ADAMTS12: variants seen among roughly 807,000 people sequenced by gnomAD.
ADAMTS12 encodes the protein A disintegrin and metalloproteinase with thrombospondin motifs 12.
A neutral mutation model predicts 167.8 loss-of-function variants in ADAMTS12; 118 were observed. The observed-to-expected ratio is 0.70, with a 90% CI of 0.61 to 0.82. The LOEUF is 0.82. Among genes scored for constraint, ADAMTS12 ranks in the 40% least tolerant of loss-of-function variants. ADAMTS12 has a pLI of 0.00. For synonymous variants in ADAMTS12, 704 were observed against 716.9 expected, an observed-to-expected ratio of 0.98 and a Z score of 0.29; for missense variants, 1,916 against 1,998.8, an observed-to-expected ratio of 0.96 and a Z score of 0.79.
chr5:33,717,988 T>G (rs1743674164), intron 3 of ADAMTS12, among the ~76,000 whole-genome samples: 1 of 152,234 alleles, frequency 6.6e-6, no homozygotes, highest in South Asian at 2.1e-4. Context: ...TGTTCCCATT[T>G]GTGAGGCAAA....
chr5:33,527,431 A>G lies in ADAMTS12; in HGVS notation c.4607-65T>C, dbSNP rs1743877502. ...TTATCCTTTGTGGATATACAAGCACAACTTCTATTAATGTAAGACTTTATA... is the reference window on the plus strand; with the variant it reads ...TTATCCTTTGTGGATATACAAGCACGACTTCTATTAATGTAAGACTTTATA... On this transcript the variant is annotated intron_variant, in intron 23 of 23. Transcript: ENST00000504830. 4.7e-6 allele frequency: 7 copies of G among 1,479,384 alleles called. No homozygotes were observed. The South Asian group carries it at 7.4e-5, about 16-fold the overall frequency. The allele number at this position is 1,479,384 out of a possible 1,614,324, so 91.6% of individuals were successfully genotyped here.
At chr5:33,747,395 A>AACTACG (rs1744828531) in intron 3 of ADAMTS12, among the ~76,000 whole-genome samples, 2 of 148,010 alleles carry the variant, frequency 1.4e-5, no homozygotes, top group African/African-American at 5.3e-5. Context: ...GACTAACTAC[A>AACTACG]TGTAAAAGTG....
rs1389105114 is a variant in ADAMTS12 at position 33,546,144 on chromosome 5, A to G, written c.4361T>C (p.Leu1454Pro). The G allele has an allele frequency of 6.2e-7, 1 of 1,614,038 alleles. No homozygotes were observed. Among genetic ancestry groups the G allele is most frequent in the East Asian group, 2.2e-5 (1 of 44,882 alleles). Residue 1454 changes from leucine to proline, a missense_variant, in exon 22 of 24, where the codon CTC (leucine) becomes CCC (proline). Leu to Pro is a moderately conservative substitution (Grantham distance 98). Transcript: ENST00000504830. ...TGTGGGTCTTTTTGTCCAATCACAG[A>G]GGCCTCCTGGACAGAACACTCCTCT... Reference protein sequence around the residue: ...QERGVFCPGGLCDWTKRPTST... With the variant: ...QERGVFCPGGPCDWTKRPTST...
intron 2 of ADAMTS12, among the ~76,000 whole-genome samples, chr5:33,847,331 A>G (rs1429879666): frequency 1.3e-5 from 2 of 152,202 alleles, no homozygotes; most frequent in African/African-American, 2.4e-5. Flanking sequence ...AATAAAAAAC[A>G]GGAAGTTTCG....
At position 33,643,359 on chromosome 5, in the gene ADAMTS12, C is replaced by T; in HGVS notation, c.1572+19G>A. 6.2e-7 allele frequency: 1 copy of T among 1,613,760 alleles called. No individual in the cohort carries two copies. Among genetic ancestry groups the T allele is most frequent in the Non-Finnish European group, 8.5e-7 (1 of 1,179,672 alleles). Reference sequence around the variant, plus strand: ...CTGCCCACCGCCCTCCCACCTCATTCCTCGGCCTGACGCATCACCTTCTTC... The same window carrying T: ...CTGCCCACCGCCCTCCCACCTCATTTCTCGGCCTGACGCATCACCTTCTTC... On this transcript the variant is annotated intron_variant, in intron 10 of 23. Coordinates refer to ENST00000504830, the MANE Select transcript of ADAMTS12 (RefSeq NM_030955.4).
At chr5:33,693,026 T>A (rs1005604899) in intron 3 of ADAMTS12, among the ~76,000 whole-genome samples, 1 of 152,228 alleles carries the variant, frequency 6.6e-6, no homozygotes, top group Admixed American at 6.5e-5. Context: ...TGCTTATTTA[T>A]TAACACTCTC....
chr5:33,806,767 T>A (rs1346566788), intron 2 of ADAMTS12, among the ~76,000 whole-genome samples: 2 of 152,214 alleles, frequency 1.3e-5, no homozygotes, highest in Admixed American at 1.3e-4. Context: ...AAACGAATAC[T>A]GTCATGTTTC....
At chr5:33,825,102 A>G (rs1224416401) in intron 2 of ADAMTS12, among the ~76,000 whole-genome samples, 7 of 152,214 alleles carry the variant, frequency 4.6e-5, no homozygotes, top group Non-Finnish European at 7.3e-5. Context: ...TAGCAAGCAC[A>G]TCCTAATAGA....
chr5:33,845,201 A>G (rs1748899544), intron 2 of ADAMTS12, among the ~76,000 whole-genome samples: 1 of 152,250 alleles, frequency 6.6e-6, no homozygotes, highest in Non-Finnish European at 1.5e-5. Flanking sequence ...GGTCTGGAAC[A>G]GCAGCACCTG....
At chr5:33,535,695 C>A (rs1744365083) in intron 22 of ADAMTS12, among the ~76,000 whole-genome samples, 1 of 152,096 alleles carries the variant, frequency 6.6e-6, no homozygotes, top group Non-Finnish European at 1.5e-5. Flanking sequence ...AAGCAGAATA[C>A]AATTTCATAT....
chr5:33,816,534 C>G (rs543125074), intron 2 of ADAMTS12, among the ~76,000 whole-genome samples: 5 of 152,300 alleles, frequency 3.3e-5, no homozygotes, highest in African/African-American at 1.2e-4. Context: ...CCATTCTACT[C>G]TCTGCTTCTA....
rs527972178 is a variant in ADAMTS12, at chr5:33,693,134, T to C, written c.635-9079A>G. On this transcript the variant is annotated intron_variant, in intron 3 of 23. Coordinates refer to ENST00000504830, the MANE Select transcript of ADAMTS12 (RefSeq NM_030955.4). Reference sequence around the variant, plus strand: ...ACCCAGCTCACACATAACTGCTTGATATTTCATTTCATGAACTTAACTGCA... The same window carrying C: ...ACCCAGCTCACACATAACTGCTTGACATTTCATTTCATGAACTTAACTGCA... 2.7e-4 allele frequency among the ~76,000 whole-genome samples: 41 copies of C among 152,366 alleles called. No individual in the cohort carries two copies. In the South Asian group the frequency reaches 8.3e-3, roughly 31 times the overall value.
chr5:33,876,724 G>A lies in ADAMTS12; in HGVS notation c.489+4395C>T, dbSNP rs1051768810. Among the ~76,000 whole-genome samples, 6 of 152,086 alleles carry A rather than the reference G, an allele frequency of 3.9e-5. No individual in the cohort carries two copies. In the East Asian group the frequency reaches 1.2e-3, roughly 29 times the overall value. ...GAGGTGGTGGTACCATGAGAGAAAT[G>A]GGTATAGCTATAAAAGGATAACATG... On this transcript the variant is annotated intron_variant, in intron 2 of 23. Transcript: ENST00000504830.
chr5:33,633,885 T>C (rs981582272), intron 12 of ADAMTS12, among the ~76,000 whole-genome samples: 38 of 151,952 alleles, frequency 2.5e-4, no homozygotes, highest in African/African-American at 8.9e-4. Context: ...GGTCATGTGA[T>C]TTTTTTTCCC....
intron 2 of ADAMTS12, among the ~76,000 whole-genome samples, chr5:33,843,879 A>C (rs748624051): frequency 1.3e-5 from 2 of 152,238 alleles, no homozygotes; most frequent in Admixed American, 6.5e-5. Flanking sequence ...TTTAAAACTT[A>C]TGAATTATGT....
chr5:33,679,428 G>C (rs1004223386), intron 5 of ADAMTS12, among the ~76,000 whole-genome samples: 1 of 152,136 alleles, frequency 6.6e-6, no homozygotes, highest in African/African-American at 2.4e-5. Flanking sequence ...GGGGAAGCAA[G>C]GCACCTTCTT....
At position 33,782,639 on chromosome 5, in the gene ADAMTS12, GA is replaced by G. The variant is rs1245698075; in HGVS notation, c.490-31092del. Among the ~76,000 whole-genome samples, 55 of 152,078 alleles carry G rather than the reference GA, an allele frequency of 3.6e-4. 1 individual carries two copies. Among genetic ancestry groups the G allele is most frequent in the Middle Eastern group, 3.4e-3 (1 of 292 alleles). ...ACCATAATCATAAAAGAGCTAGGTT[GA>G]CTACATTAATAACAAAAAATATTTT... is the stretch of plus-strand genomic sequence containing the variant. On this transcript the variant is annotated intron_variant, in intron 2 of 23. Transcript: ENST00000504830.
chr5:33,774,652 G>A (rs919952131), intron 2 of ADAMTS12, among the ~76,000 whole-genome samples: 2 of 141,686 alleles, frequency 1.4e-5, no homozygotes, highest in African/African-American at 5.8e-5. Context: ...TTTTTGTCCA[G>A]TAGAATACAA....
At chr5:33,660,224 G>A (rs1289572517) in intron 6 of ADAMTS12, among the ~76,000 whole-genome samples, 1 of 152,124 alleles carries the variant, frequency 6.6e-6, no homozygotes, top group Non-Finnish European at 1.5e-5. Context: ...AGAAAAAAAG[G>A]AGATCAGATC....
Sources: gnomAD v4.1 joint callset for allele counts (sites outside exome capture counted in the v4.1 genomes callset) on GRCh38, gnomAD v4.1.1 for gene constraint, MANE v1.5 for transcripts, NCBI Gene and HGNC (gene_info 2026-07-23, HGNC 2026-07-21) for gene names.